FRMPD4: variants seen among roughly 807,000 people sequenced by gnomAD.
The protein encoded by FRMPD4 is FERM and PDZ domain containing 4.
FRMPD4 carries 22 observed loss-of-function variants against 94.1 expected under a neutral mutation model. The ratio of observed to expected loss-of-function variants is 0.23; its 90% CI spans 0.17 to 0.33. FRMPD4 has a LOEUF of 0.33. Among genes scored for constraint, FRMPD4 ranks in the 10% least tolerant of loss-of-function variants. The pLI is 1.00. For missense variants in FRMPD4, 1,111 were observed against 1,339.9 expected, an observed-to-expected ratio of 0.83 and a Z score of 2.67; for synonymous variants, 631 against 548.6, an observed-to-expected ratio of 1.15 and a Z score of -2.10.
chrX:12,553,587 C>T (rs779498305), intron 2 of FRMPD4, among the ~76,000 whole-genome samples: 1 of 107,091 alleles, frequency 9.3e-6, no homozygotes, highest in Admixed American at 1.0e-4. Flanking sequence ...GGTCTTTACA[C>T]CAGTCCCCCA....
chrX:12,646,312 G>T (rs1602256254), intron 4 of FRMPD4, among the ~76,000 whole-genome samples: 1 of 111,992 alleles, frequency 8.9e-6, no homozygotes, highest in East Asian at 2.8e-4. Context: ...CAGTTGCAGG[G>T]TTAGTGTGCC....
At chrX:12,585,703 G>A (rs953410844) in intron 2 of FRMPD4, among the ~76,000 whole-genome samples, 9 of 111,844 alleles carry the variant, frequency 8.0e-5, no homozygotes, top group African/African-American at 2.0e-4. Context: ...GACTTGCTCC[G>A]TCCAATACAG....
At chrX:12,548,568 A>C (rs1416998358) in intron 2 of FRMPD4, among the ~76,000 whole-genome samples, 1 of 112,914 alleles carries the variant, frequency 8.9e-6, no homozygotes, top group Admixed American at 9.4e-5. Context: ...CATCCAGTTT[A>C]GAATTCCACC....
chrX:12,464,470 T>C (rs1283582037), intron 1 of FRMPD4, among the ~76,000 whole-genome samples: 2 of 112,631 alleles, frequency 1.8e-5, no homozygotes, highest in East Asian at 5.5e-4. Context: ...AAGTTCTGGT[T>C]ATAATAGACA....
At chrX:11,895,215 A>C (rs2053896713) in intron 3 of FRMPD4, among the ~76,000 whole-genome samples, 1 of 111,948 alleles carries the variant, frequency 8.9e-6, no homozygotes, top group Non-Finnish European at 1.9e-5. Context: ...CAGGATCTTT[A>C]GCAGCATCCC....
At chrX:12,448,285 A>T (rs1301088889) in intron 1 of FRMPD4, among the ~76,000 whole-genome samples, 4 of 112,425 alleles carry the variant, frequency 3.6e-5, no homozygotes, top group African/African-American at 1.3e-4. Context: ...AGAGCTGAAA[A>T]GAATAAAAAT....
rs538647489 is a variant in FRMPD4 at position 12,031,086 on chromosome X, C to G, written c.95+153068C>G. ...TCTAGAGGGAAAAACTATAATGTAA[C>G]AACACCAATGTTCACAGTAATTTAT... On this transcript the variant is annotated intron_variant, in intron 3 of 18. Coordinates refer to the FRMPD4 transcript ENST00000640291. 4.5e-4 allele frequency among the ~76,000 whole-genome samples: 50 copies of G among 112,083 alleles called. No individual in the cohort carries two copies. In the South Asian group the frequency reaches 0.018, roughly 41 times the overall value.
chrX:12,200,722 A>G (rs1354697200), intron 1 of FRMPD4, among the ~76,000 whole-genome samples: 1 of 112,215 alleles, frequency 8.9e-6, no homozygotes, highest in Non-Finnish European at 1.9e-5. Context: ...TGTTTTAAAA[A>G]TTATCAAACA....
At chrX:12,390,103 C>T (rs1360569145) in intron 1 of FRMPD4, among the ~76,000 whole-genome samples, 2 of 111,739 alleles carry the variant, frequency 1.8e-5, no homozygotes, top group Non-Finnish European at 3.8e-5. Flanking sequence ...ACATGAATAC[C>T]AGGCTGCAAT....
At chrX:12,287,310 T>C (rs970164100) in intron 1 of FRMPD4, among the ~76,000 whole-genome samples, 5 of 111,622 alleles carry the variant, frequency 4.5e-5, no homozygotes, top group African/African-American at 1.6e-4. Flanking sequence ...GAAAAGGTTG[T>C]TCTCCCTCCC....
chrX:11,922,907 AC>A (rs1459935433), intron 3 of FRMPD4, among the ~76,000 whole-genome samples: 4 of 112,524 alleles, frequency 3.6e-5, no homozygotes, highest in African/African-American at 6.5e-5. Flanking sequence ...TGACCTGAGC[AC>A]CCCTTGGTCT....
intron 1 of FRMPD4, among the ~76,000 whole-genome samples, chrX:12,351,013 A>C (rs1266890015): frequency 1.8e-5 from 2 of 111,141 alleles, no homozygotes; most frequent in African/African-American, 6.6e-5. Flanking sequence ...GTCTCTACTA[A>C]AAATACAAAA....
intron 1 of FRMPD4, among the ~76,000 whole-genome samples, chrX:12,318,859 A>T (rs1269283430): frequency 9.0e-6 from 1 of 111,294 alleles, no homozygotes; most frequent in African/African-American, 3.3e-5. Flanking sequence ...ATAAATGCAC[A>T]GCTTTATGTA....
chrX:11,963,413 G>T (rs1385999154), intron 3 of FRMPD4, among the ~76,000 whole-genome samples: 2 of 112,367 alleles, frequency 1.8e-5, no homozygotes, highest in African/African-American at 6.5e-5. Flanking sequence ...AGTCCTGTTT[G>T]CCATAAGCAA....
At chrX:12,336,571 T>G (rs187801912) in intron 1 of FRMPD4, among the ~76,000 whole-genome samples, 2 of 111,428 alleles carry the variant, frequency 1.8e-5, no homozygotes, top group Non-Finnish European at 3.8e-5. Flanking sequence ...CACTGCTGAT[T>G]CATGTATGGA....
At chrX:12,042,037 T>C (rs1018106501) in intron 3 of FRMPD4, among the ~76,000 whole-genome samples, 24 of 111,779 alleles carry the variant, frequency 2.1e-4, no homozygotes, top group African/African-American at 7.8e-4. Flanking sequence ...AATTTGGTTC[T>C]TTAGTATCTA....
intron 3 of FRMPD4, among the ~76,000 whole-genome samples, chrX:12,061,566 A>G (rs1393561473): frequency 8.9e-6 from 1 of 111,821 alleles, no homozygotes; most frequent in Non-Finnish European, 1.9e-5. Context: ...GGCCAAATGG[A>G]GTCCTACAAT....
At position 12,722,191 on chromosome X, in the gene FRMPD4, C is replaced by T. The variant is rs2042252588; in HGVS notation, c.*333C>T. On this transcript the variant is annotated 3_prime_UTR_variant, in exon 17 of 17. Transcript: ENST00000675598. The stretch of plus-strand genomic sequence containing the variant: ...ACAATGAATCCTATCCCCTTTCTTT[C>T]CAAGTAGCTACTTGGAAACCATATC... The T allele has an allele frequency of 9.0e-6, 1 of 110,639 alleles. No individual in the cohort carries two copies. The highest frequency in any genetic ancestry group is 3.8e-4 in the South Asian group (1 of 2,633). 9.1% of individuals were successfully genotyped at this position (110,639 alleles called of 1,213,427 possible).
intron 1 of FRMPD4, among the ~76,000 whole-genome samples, chrX:12,473,463 A>C (rs2057545506): frequency 1.8e-5 from 2 of 110,085 alleles, no homozygotes; most frequent in Non-Finnish European, 3.8e-5. Flanking sequence ...CACACATAAC[A>C]ATATTAACCT....
Sources: allele counts gnomAD v4.1 joint callset (sites outside exome capture counted in the v4.1 genomes callset), GRCh38; gene constraint gnomAD v4.1.1; transcripts MANE v1.5; gene names NCBI Gene and HGNC (gene_info 2026-07-23, HGNC 2026-07-21).